Variants in PDE2A observed in about 807,000 individuals in gnomAD.
The protein encoded by PDE2A is phosphodiesterase 2A, also known as cGMP-dependent 3',5'-cyclic phosphodiesterase.
A neutral mutation model predicts 133.6 loss-of-function variants in PDE2A; 53 were observed. That is an observed-to-expected ratio of 0.40 (90% CI 0.32 to 0.50). The LOEUF (loss-of-function observed/expected upper bound fraction) is 0.50. PDE2A is among the 20% of genes least tolerant of loss of function. The probability of loss-of-function intolerance (pLI) is 0.73; values close to 1 mark genes in which losing one functional copy is unlikely to be tolerated. For missense variants in PDE2A, 796 were observed against 1,232.4 expected (o/e 0.65, Z 5.30); for synonymous variants, 491 against 490.2 (o/e 1.00, Z -0.02).
intron 2 of PDE2A, among the ~76,000 whole-genome samples, chr11:72,626,044 C>A (rs1016743836): frequency 1.1e-4 from 16 of 152,266 alleles, no homozygotes; most frequent in African/African-American, 3.9e-4. Context: ...ATGCCAGCTC[C>A]TGCCTTTCCC....
chr11:72,624,136 C>A (rs960591927), intron 2 of PDE2A, among the ~76,000 whole-genome samples: 41 of 152,094 alleles, frequency 2.7e-4, no homozygotes, highest in African/African-American at 9.6e-4. Context: ...AGATTACAGG[C>A]GCCTGTCACC....
intron 2 of PDE2A, among the ~76,000 whole-genome samples, chr11:72,630,784 C>T (rs900687332): frequency 1.3e-5 from 2 of 151,846 alleles, no homozygotes; most frequent in Non-Finnish European, 2.9e-5. Flanking sequence ...ATACTCAGGG[C>T]AGAGAATCAA....
intron 12 of PDE2A, 70 bp from the exon 13 acceptor site, chr11:72,588,984 A>G (rs2135300938): frequency 6.7e-7 from 1 of 1,502,858 alleles, no homozygotes; most frequent in Non-Finnish European, 9.1e-7. Flanking sequence ...GCCCTCCATC[A>G]CATTTTGCAA....
In PDE2A at chr11:72,636,188, G is replaced by A. The variant is rs959280687; in HGVS notation, c.144+6066C>T. 3.3e-5 allele frequency: 34 copies of A among 1,029,148 alleles called. No individual in the cohort carries two copies. In the South Asian group the frequency reaches 6.5e-4, roughly 20 times the overall value. 63.8% of individuals were successfully genotyped at this position (1,029,148 alleles called of 1,614,324 possible). A position where few individuals can be genotyped will look rare whatever the true frequency, so the allele number is the denominator to read the frequency against. On this transcript the variant is annotated intron_variant, in intron 2 of 30. Transcript: ENST00000334456. ...ACTCTCAAGGGAGCTGAACAGGAAG[G>A]TCCTGGAGCTGCAGGGGGCAGCCAC...
rs1347704711 is a variant in PDE2A at position 72,597,318 on chromosome 11, AG to A, written c.433+191del. The stretch of plus-strand genomic sequence containing the variant: ...AATACTATTGTCCCATTTTATAGTC[AG>A]GAAGTTGAGGCTCAGAGAATTTAGT... On this transcript the variant is annotated intron_variant, in intron 5 of 30. Coordinates refer to ENST00000334456, the MANE Select transcript of PDE2A (RefSeq NM_002599.5). The surrounding 1 kb of genome is among the most constrained non-coding windows in gnomAD (Gnocchi z 4.6). Among the ~76,000 whole-genome samples, 1 of 152,190 alleles carries A rather than the reference AG, an allele frequency of 6.6e-6. No homozygotes were observed. Among genetic ancestry groups the A allele is most frequent in the Non-Finnish European group, 1.5e-5 (1 of 68,032 alleles).
intron 6 of PDE2A, among the ~76,000 whole-genome samples, chr11:72,593,358 C>T (rs995464375): frequency 6.6e-6 from 1 of 152,104 alleles, no homozygotes; most frequent in Non-Finnish European, 1.5e-5. Flanking sequence ...ACACAATCAC[C>T]CCCACACACT....
chr11:72,590,100 G>A lies in PDE2A; in HGVS notation c.756+92C>T. On this transcript the variant is annotated intron_variant, in intron 9 of 30. Coordinates refer to ENST00000334456, the MANE Select transcript of PDE2A (RefSeq NM_002599.5). This position sits in a 1 kb window ranked among gnomAD's most constrained non-coding sequence, Gnocchi z 4.8. ...GGAGGAGAGAGGAAGGAAGGACATC[G>A]TAATTGGAACTGAGATGGAGGGCTC... 2.9e-6 allele frequency: 4 copies of A among 1,395,404 alleles called. No individual in the cohort carries two copies. Among genetic ancestry groups the A allele is most frequent in the African/African-American group, 1.4e-5 (1 of 69,940 alleles). The allele number at this position is 1,395,404 out of a possible 1,614,324, so 86.4% of individuals were successfully genotyped here. A position where few individuals can be genotyped will look rare whatever the true frequency, so the allele number is the denominator to read the frequency against.
rs562445750 is a variant in PDE2A, at chr11:72,634,663, T to C, written c.144+7591A>G. Among the ~76,000 whole-genome samples the C allele has an allele frequency of 5.1e-3, 776 of 152,328 alleles. 6 individuals carry two copies. Among genetic ancestry groups the C allele is most frequent in the Middle Eastern group, 0.014 (4 of 294 alleles). On this transcript the variant is annotated intron_variant, in intron 2 of 30. Transcript: ENST00000334456. Reference sequence around the variant, plus strand: ...CTGGGTGCCAAGGCATAAGAAGGACTCAGGAGGCAGTGAAACACTGGACAA... The same window carrying C: ...CTGGGTGCCAAGGCATAAGAAGGACCCAGGAGGCAGTGAAACACTGGACAA...
rs777237218 is a variant in PDE2A at position 72,579,613 on chromosome 11, G to A, written c.2182-5C>T. The A allele has an allele frequency of 1.3e-5, 21 of 1,609,182 alleles. No homozygotes were observed. The highest frequency in any genetic ancestry group is 1.8e-5 in the Non-Finnish European group (21 of 1,177,028). On this transcript the variant is annotated splice_polypyrimidine_tract_variant and splice_region_variant and intron_variant, in intron 25 of 30. Transcript: ENST00000334456. Reference sequence around the variant, plus strand: ...GGCCTGAGCAAAGTGGTGCCTCTGGGGGGAGAGGAGTGATGGGGGCCCAGC... The same window carrying A: ...GGCCTGAGCAAAGTGGTGCCTCTGGAGGGAGAGGAGTGATGGGGGCCCAGC...
At chr11:72,652,472 T>A in intron 1 of PDE2A, 1 of 454,538 alleles carries the variant, frequency 2.2e-6, no homozygotes, top group South Asian at 1.6e-5. Context: ...CCCTAAATAC[T>A]CCAGCATATG....
At chr11:72,589,053 G>C in intron 12 of PDE2A, 122 bp downstream of exon 12, 2 of 1,219,838 alleles carry the variant, frequency 1.6e-6, no homozygotes, top group Non-Finnish European at 2.4e-6. Flanking sequence ...AGATGGGACA[G>C]TAGAAAGTCC....
chr11:72,638,411 G>A (rs966834735), intron 2 of PDE2A, among the ~76,000 whole-genome samples: 5 of 152,202 alleles, frequency 3.3e-5, no homozygotes, highest in East Asian at 1.9e-4. Context: ...CACACGGTGG[G>A]TAGAGGAGAG....
At chr11:72,635,979 C>G in intron 2 of PDE2A, 1 of 1,236,926 alleles carries the variant, frequency 8.1e-7, no homozygotes, top group Non-Finnish European at 1.1e-6. Context: ...GCCCCTCTTA[C>G]CCTGAGCTCC....
intron 12 of PDE2A, 42 bp downstream of exon 12, chr11:72,589,133 G>C: frequency 6.5e-7 from 1 of 1,548,370 alleles, no homozygotes; most frequent in Non-Finnish European, 8.9e-7. Context: ...CTGGCAGTGG[G>C]GTCTCCTCTT....
chr11:72,631,178 G>GCCTTCTCC (rs1413010694), intron 2 of PDE2A: 1 of 1,488,534 alleles, frequency 6.7e-7, no homozygotes, highest in Non-Finnish European at 9.0e-7. Context: ...GGCCGGCCAG[G>GCCTTCTCC]CCTTCTCCCC....
intron 20 of PDE2A, among the ~76,000 whole-genome samples, 162 bp from the exon 21 acceptor site, chr11:72,582,728 T>A (rs997488861): frequency 5.3e-5 from 8 of 152,082 alleles, no homozygotes; most frequent in Admixed American, 5.2e-4. Context: ...CACCCTCCCC[T>A]CACAGCCCTG....
chr11:72,600,138 A>G (rs1305150427), intron 4 of PDE2A, among the ~76,000 whole-genome samples: 1 of 152,176 alleles, frequency 6.6e-6, no homozygotes, highest in East Asian at 1.9e-4. Context: ...CCAGGGCCCT[A>G]TGGAGCTGGG....
At chr11:72,657,920 C>T (rs746440781) in intron 1 of PDE2A, 46 of 456,084 alleles carry the variant, frequency 1.0e-4, no homozygotes, top group Non-Finnish European at 1.7e-4. Context: ...TCCCACCCAG[C>T]CTCTGTGAGC....
At chr11:72,658,957 T>G (rs1854974597) in intron 1 of PDE2A, among the ~76,000 whole-genome samples, 1 of 152,130 alleles carries the variant, frequency 6.6e-6, no homozygotes, top group South Asian at 2.1e-4. Context: ...CCTCCCAAAG[T>G]ACTGGGATTA....
Sources: allele counts gnomAD v4.1 joint callset (sites outside exome capture counted in the v4.1 genomes callset), GRCh38; gene constraint gnomAD v4.1.1; non-coding constraint Gnocchi (gnomAD v3.1); transcripts MANE v1.5; gene names NCBI Gene and HGNC (gene_info 2026-07-23, HGNC 2026-07-21).